ADPGK: variants seen among roughly 807,000 people sequenced by gnomAD.
ADPGK encodes the protein ADP dependent glucokinase, also known as ADP-dependent glucokinase.
A neutral mutation model predicts 42.4 loss-of-function variants in ADPGK; 26 were observed. The ratio of observed to expected loss-of-function variants is 0.61; its 90% confidence interval spans 0.45 to 0.85. ADPGK has a LOEUF of 0.85. Among genes scored for constraint, ADPGK ranks in the 40% least tolerant of loss-of-function variants. The probability of loss-of-function intolerance (pLI) is 0.00; values close to 1 mark genes in which losing one functional copy is unlikely to be tolerated. For synonymous variants in ADPGK, 267 were observed against 252.6 expected, an observed-to-expected ratio of 1.06 and a Z score of -0.54; for missense variants, 571 against 627.0, an observed-to-expected ratio of 0.91 and a Z score of 0.95.
chr15:72,763,886 C>T (rs1458132050), intron 3 of ADPGK, among the ~76,000 whole-genome samples: 5 of 152,172 alleles, frequency 3.3e-5, no homozygotes, highest in Non-Finnish European at 4.4e-5. Context: ...TTATGGTGAT[C>T]AGTGATCTTT....
rs1820491013 is a variant in ADPGK, at chr15:72,783,740, C to T, written c.-49G>A. The T allele has an allele frequency of 5.0e-6, 7 of 1,399,100 alleles. No homozygotes were observed. In the South Asian group the frequency reaches 9.2e-5, roughly 18 times the overall value. The allele number at this position is 1,399,100 out of a possible 1,614,324, so 86.7% of individuals were successfully genotyped here. ...GCGAACCAACTCCTTTCCTAGCCCG[C>T]GCCTCTTCCGGGCTCGGCGCGCGCC... On this transcript the variant is annotated 5_prime_UTR_variant, in exon 1 of 7. Transcript: ENST00000456471.
At chr15:72,766,811 A>G (rs578136303) in intron 3 of ADPGK, among the ~76,000 whole-genome samples, 4 of 152,350 alleles carry the variant, frequency 2.6e-5, no homozygotes, top group African/African-American at 9.6e-5. Flanking sequence ...TATACCTAAT[A>G]AAGTCAGAGA....
chr15:72,769,765 A>C (rs942759358), intron 3 of ADPGK, among the ~76,000 whole-genome samples: 2 of 152,200 alleles, frequency 1.3e-5, no homozygotes, highest in African/African-American at 4.8e-5. Context: ...ATGGATTCTG[A>C]AGCTTGACTA....
Position 72,752,486 on chromosome 15 carries a change from T to A in ADPGK, c.1349A>T (p.Lys450Met). Residue 450 changes from lysine (K) to methionine (M), a missense_variant, in exon 7 of 7, where the codon AAG becomes ATG. Around this residue, in one of 2 missense-constraint regions of ADPGK, gnomAD observed 434 missense variants for 522.7 expected, o/e 0.83. Transcript: ENST00000456471. ...CTCTCTGTGCCATTCTACTACTGGCTTGTTTGGGTTTAATACAATCCTGGA... is the reference window on the plus strand; with the variant it reads ...CTCTCTGTGCCATTCTACTACTGGCATGTTTGGGTTTAATACAATCCTGGA... ...AGSRIVLNPNKPVVEWHREGI... is the reference protein window; with the variant it reads ...AGSRIVLNPNMPVVEWHREGI... 1 of 1,614,212 alleles carries A rather than the reference T, an allele frequency of 6.2e-7. No individual in the cohort carries two copies. The highest frequency in any genetic ancestry group is 1.1e-5 in the South Asian group (1 of 91,084).
chr15:72,765,811 T>C (rs1167061392), intron 3 of ADPGK, among the ~76,000 whole-genome samples: 1 of 152,110 alleles, frequency 6.6e-6, no homozygotes, highest in African/African-American at 2.4e-5. Flanking sequence ...GGATAAAGAG[T>C]TGCTTCTTAT....
chr15:72,762,953 C>T (rs773821497), intron 3 of ADPGK, among the ~76,000 whole-genome samples: 18 of 151,886 alleles, frequency 1.2e-4, no homozygotes, highest in Admixed American at 3.3e-4. Context: ...CTGGCATGGG[C>T]GACAAAGTGA....
intron 3 of ADPGK, among the ~76,000 whole-genome samples, chr15:72,766,691 A>T (rs1448146015): frequency 6.6e-6 from 1 of 152,226 alleles, no homozygotes; most frequent in Non-Finnish European, 1.5e-5. Flanking sequence ...GTCGTCTAGA[A>T]CCAAACATGC....
At chr15:72,761,090 C>T (rs1370731921) in intron 3 of ADPGK, among the ~76,000 whole-genome samples, 2 of 152,180 alleles carry the variant, frequency 1.3e-5, no homozygotes, top group Non-Finnish European at 2.9e-5. Flanking sequence ...GACTTCTCAC[C>T]AGAAGCCACA....
intron 4 of ADPGK, chr15:72,757,934 CAAG>C: frequency 1.3e-6 from 1 of 759,432 alleles, no homozygotes; most frequent in African/African-American, 1.8e-5. Flanking sequence ...TTCTGCAAGG[CAAG>C]GATGAGAAGA....
chr15:72,768,241 C>T (rs910227748), intron 3 of ADPGK, among the ~76,000 whole-genome samples: 5 of 151,844 alleles, frequency 3.3e-5, no homozygotes, highest in African/African-American at 1.2e-4. Flanking sequence ...CTGGATTTCC[C>T]TATATCTATT....
chr15:72,755,907 G>C (rs891759649), intron 5 of ADPGK: 3 of 648,738 alleles, frequency 4.6e-6, no homozygotes, highest in Non-Finnish European at 5.7e-6. Context: ...ACTGCTGTAC[G>C]AATCTGTAGG....
At chr15:72,758,151 C>T in intron 4 of ADPGK, 1 of 1,611,500 alleles carries the variant, frequency 6.2e-7, no homozygotes, top group Non-Finnish European at 8.5e-7. Flanking sequence ...GGCTGAAACT[C>T]CTCCAGGCTA....
intron 3 of ADPGK, among the ~76,000 whole-genome samples, chr15:72,768,764 G>A (rs1469796016): frequency 1.3e-5 from 2 of 152,042 alleles, no homozygotes; most frequent in Non-Finnish European, 2.9e-5. Flanking sequence ...TTGAGGTCGG[G>A]AGTTGAGACT....
chr15:72,772,591 A>C (rs999112710), intron 2 of ADPGK, among the ~76,000 whole-genome samples: 3 of 152,108 alleles, frequency 2.0e-5, no homozygotes, highest in African/African-American at 7.2e-5. Context: ...CCTCTAATGC[A>C]GCTCTTGTCT....
Position 72,775,299 on chromosome 15 carries a change from G to C in ADPGK, c.234-202C>G, listed in dbSNP as rs144609262. 7 of 577,426 alleles carry C rather than the reference G, an allele frequency of 1.2e-5. No individual in the cohort carries two copies. In the East Asian group the frequency reaches 2.0e-4, roughly 17 times the overall value. The allele number at this position is 577,426 out of a possible 1,614,324, so 35.8% of individuals were successfully genotyped here. On this transcript the variant is annotated intron_variant, in intron 1 of 6. Transcript: ENST00000456471. Reference sequence around the variant, plus strand: ...TTTATGTATTAGCATCAGAACACAGGACTCTTCAATAATTTGGCAAACTTT... The same window carrying C: ...TTTATGTATTAGCATCAGAACACAGCACTCTTCAATAATTTGGCAAACTTT...
chr15:72,775,102 A>G lies in ADPGK; in HGVS notation c.234-5T>C, dbSNP rs900836090. 8 of 1,613,010 alleles carry G rather than the reference A, an allele frequency of 5.0e-6. No individual in the cohort carries two copies. The highest frequency in any genetic ancestry group is 6.8e-6 in the Non-Finnish European group (8 of 1,179,246). The stretch of plus-strand genomic sequence containing the variant: ...ACATCAACACATGCATTGACTCTAG[A>G]AGGAGGAAAAAAACTGTGTGAAAGC... On this transcript the variant is annotated splice_region_variant and splice_polypyrimidine_tract_variant and intron_variant, in intron 1 of 6. Transcript: ENST00000456471.
rs562015722 is a variant in ADPGK, at chr15:72,775,092, T to C, written c.239A>G (p.Asn80Ser). ...TGAGAGCACCACATCAACACATGCA[T>C]TGACTCTAGAAGGAGGAAAAAAACT... ...RRWRRVAVGV[N>S]ACVDVVLSGV... Residue 80 changes from asparagine (N) to serine (S), a missense_variant, in exon 2 of 7, where the codon AAT (asparagine) becomes AGT (serine). This residue lies in a region of ADPGK where 434 missense variants were observed against 522.7 expected (regional missense o/e 0.83). Transcript: ENST00000456471. 4 of 1,613,868 alleles carry C rather than the reference T, an allele frequency of 2.5e-6. No individual in the cohort carries two copies. Among genetic ancestry groups the C allele is most frequent in the South Asian group, 2.2e-5 (2 of 91,048 alleles).
chr15:72,766,023 C>T (rs1031262423), intron 3 of ADPGK, among the ~76,000 whole-genome samples: 5 of 152,164 alleles, frequency 3.3e-5, no homozygotes, highest in Admixed American at 3.3e-4. Context: ...TGCTCTATCA[C>T]CCAAGCTAGA....
intron 3 of ADPGK, among the ~76,000 whole-genome samples, chr15:72,771,136 C>A (rs2066324355): frequency 6.6e-6 from 1 of 151,970 alleles, no homozygotes; most frequent in Admixed American, 6.6e-5. Flanking sequence ...TTCTTGTTGG[C>A]CTCCCCCTTC....
Sources: gnomAD v4.1 joint callset for allele counts (sites outside exome capture counted in the v4.1 genomes callset) on GRCh38, gnomAD v4.1.1 for gene constraint, gnomAD v4.1.1 regional missense constraint, MANE v1.5 for transcripts, NCBI Gene and HGNC (gene_info 2026-07-23, HGNC 2026-07-21) for gene names.